SMG7: variants seen among roughly 807,000 people sequenced by gnomAD.
SMG7 encodes SMG7 nonsense mediated mRNA decay factor, also known as nonsense-mediated mRNA decay factor SMG7.
In SMG7, 34 loss-of-function variants were observed where a neutral mutation model predicts 148.2. The ratio of observed to expected loss-of-function variants is 0.23; its 90% CI spans 0.17 to 0.31. The LOEUF (loss-of-function observed/expected upper bound fraction) is 0.31, where lower values mean the gene tolerates loss of function less well. SMG7 is among the 10% of genes least tolerant of loss of function. The pLI is 1.00. For synonymous variants in SMG7, 492 were observed against 515.1 expected, an observed-to-expected ratio of 0.96 and a Z score of 0.61; for missense variants, 1,114 against 1,408.4, an observed-to-expected ratio of 0.79 and a Z score of 3.35.
intron 8 of SMG7, among the ~76,000 whole-genome samples, chr1:183,531,561 T>G (rs1361752025): frequency 6.6e-6 from 1 of 152,156 alleles, no homozygotes; most frequent in Non-Finnish European, 1.5e-5. Context: ...TACCATGCAC[T>G]TTTCTAGGCT....
chr1:183,547,066 C>A (rs772785920), intron 17 of SMG7, 37 bp from the exon 18 acceptor site: 13 of 1,535,794 alleles, frequency 8.5e-6, no homozygotes, highest in Non-Finnish European at 1.1e-5. Flanking sequence ...TTTTGTTATC[C>A]CTTATTGCTT....
intron 4 of SMG7, 147 bp downstream of exon 4, chr1:183,517,967 GA>G: frequency 1.2e-6 from 1 of 816,662 alleles, no homozygotes; most frequent in East Asian, 2.6e-5. Flanking sequence ...CTTTTTTGGC[GA>G]CAGAGTCTGA....
intron 1 of SMG7, among the ~76,000 whole-genome samples, chr1:183,504,800 C>A (rs1392681050): frequency 6.6e-6 from 1 of 152,144 alleles, no homozygotes; most frequent in Non-Finnish European, 1.5e-5. Flanking sequence ...TCTACCTTAT[C>A]TCTGAAATTG....
intron 1 of SMG7, among the ~76,000 whole-genome samples, chr1:183,499,678 T>G (rs1659321048): frequency 6.6e-6 from 1 of 152,112 alleles, no homozygotes; most frequent in African/African-American, 2.4e-5. Flanking sequence ...TTGTGGCTTG[T>G]TGTTCTCTGG....
intron 1 of SMG7, among the ~76,000 whole-genome samples, chr1:183,476,571 T>G (rs1652235414): frequency 6.6e-6 from 1 of 152,114 alleles, no homozygotes; most frequent in Non-Finnish European, 1.5e-5. Context: ...ACTGAATTAG[T>G]CTCAAGTTAT....
At chr1:183,499,378 T>G (rs988214325) in intron 1 of SMG7, among the ~76,000 whole-genome samples, 6 of 152,202 alleles carry the variant, frequency 3.9e-5, no homozygotes. Flanking sequence ...TGAATGAGAG[T>G]TCCCGATGCT....
chr1:183,539,265 C>G (rs1668357900), intron 12 of SMG7, among the ~76,000 whole-genome samples: 1 of 152,222 alleles, frequency 6.6e-6, no homozygotes, highest in South Asian at 2.1e-4. Context: ...AATCCAGTGA[C>G]TATAGTCTTT....
At chr1:183,518,133 A>T (rs1328837978) in intron 4 of SMG7, among the ~76,000 whole-genome samples, 2 of 152,026 alleles carry the variant, frequency 1.3e-5, no homozygotes, top group Non-Finnish European at 2.9e-5. Flanking sequence ...TTTTTTGTAG[A>T]GATGGAGTCT....
intron 8 of SMG7, among the ~76,000 whole-genome samples, chr1:183,531,522 CACTAA>C (rs1666853766): frequency 6.6e-6 from 1 of 152,132 alleles, no homozygotes; most frequent in African/African-American, 2.4e-5. Context: ...GTTGTTCATT[CACTAA>C]GTGTTTATTA....
At chr1:183,514,029 C>CAAA (rs1035651769) in intron 2 of SMG7, among the ~76,000 whole-genome samples, 9 of 41,256 alleles carry the variant, frequency 2.2e-4, no homozygotes, top group East Asian at 8.1e-4. Flanking sequence ...GACTCCGTCT[C>CAAA]AAAAAAAAAA....
intron 21 of SMG7, 46 bp downstream of exon 21, chr1:183,550,967 C>G (rs540602603): frequency 4.3e-6 from 7 of 1,613,356 alleles, no homozygotes; most frequent in Non-Finnish European, 5.9e-6. Context: ...AGAATTTACT[C>G]TATCCTTCCC....
intron 1 of SMG7, among the ~76,000 whole-genome samples, chr1:183,494,940 T>C (rs1658106426): frequency 6.6e-6 from 1 of 151,534 alleles, no homozygotes; most frequent in Admixed American, 6.6e-5. Flanking sequence ...GCGATTCTCC[T>C]GCCTCAGCCT....
chr1:183,515,006 GA>G (rs1429980562), intron 2 of SMG7, among the ~76,000 whole-genome samples: 1 of 152,122 alleles, frequency 6.6e-6, no homozygotes, highest in Non-Finnish European at 1.5e-5. Context: ...ATATATAATT[GA>G]AAAGCCCATT....
At chr1:183,544,556 G>A (rs1669542738) in intron 15 of SMG7, 59 bp downstream of exon 15, 3 of 1,552,786 alleles carry the variant, frequency 1.9e-6, no homozygotes, top group Non-Finnish European at 1.8e-6. Flanking sequence ...TTTCTATTCA[G>A]TCACTGAGAA....
At chr1:183,538,489 A>G in intron 12 of SMG7, 49 bp downstream of exon 12, 1 of 1,258,406 alleles carries the variant, frequency 7.9e-7, no homozygotes, top group South Asian at 1.2e-5. Context: ...TTGCAGTATT[A>G]AAATTAGCAG....
Position 183,542,068 on chromosome 1 carries a change from T to C in SMG7, c.1416-8T>C, listed in dbSNP as rs1668977515. ...TTTTTATATATGGATTTATTTTTGCTTTTTTAGGCTGATTCAGTGTGAAAA... is the reference window on the plus strand; with the variant it reads ...TTTTTATATATGGATTTATTTTTGCCTTTTTAGGCTGATTCAGTGTGAAAA... On this transcript the variant is annotated splice_region_variant and splice_polypyrimidine_tract_variant and intron_variant, in intron 13 of 22. Transcript: ENST00000688051. 6.3e-7 allele frequency: 1 copy of C among 1,584,582 alleles called. No individual in the cohort carries two copies. Among genetic ancestry groups the C allele is most frequent in the Admixed American group, 1.9e-5 (1 of 52,926 alleles).
chr1:183,504,324 G>T lies in SMG7; in HGVS notation c.30-8513G>T, dbSNP rs950574882. On this transcript the variant is annotated intron_variant, in intron 1 of 22. Coordinates refer to ENST00000688051, the MANE Select transcript of SMG7 (RefSeq NM_001375584.1). ...CTAGCGATTTTTCTGTTGATATCTT[G>T]ATTTATTTATTTATTTATTTATTTA... Among the ~76,000 whole-genome samples the T allele has an allele frequency of 1.5e-3, 229 of 150,892 alleles. 1 individual carries two copies. The highest frequency in any genetic ancestry group is 4.6e-3 in the African/African-American group (190 of 41,034).
intron 2 of SMG7, chr1:183,513,176 A>T (rs1662577387): frequency 7.7e-6 from 2 of 258,812 alleles, no homozygotes; most frequent in Non-Finnish European, 1.4e-5. Context: ...AAAAAATAAC[A>T]TACCCCATAT....
chr1:183,516,756 T>G (rs776559996), intron 3 of SMG7, among the ~76,000 whole-genome samples: 10 of 152,226 alleles, frequency 6.6e-5, no homozygotes, highest in South Asian at 2.1e-4. Context: ...ACAGCTAAAT[T>G]ACGACCATCA....
Sources: allele counts gnomAD v4.1 joint callset (sites outside exome capture counted in the v4.1 genomes callset), GRCh38; gene constraint gnomAD v4.1.1; transcripts MANE v1.5; gene names NCBI Gene and HGNC (gene_info 2026-07-23, HGNC 2026-07-21).